Variants in BBS9 observed in about 807,000 individuals in gnomAD.
The protein encoded by BBS9 is protein PTHB1.
In BBS9, 89 loss-of-function variants were observed where a neutral mutation model predicts 117.7. That is an observed-to-expected ratio of 0.76 (90% CI 0.64 to 0.90). The LOEUF is 0.90. Ranked by LOEUF, BBS9 falls within the 40% of genes least tolerant of loss-of-function variation. BBS9 has a pLI of 0.00. For synonymous variants in BBS9, 379 were observed against 370.9 expected (o/e 1.02, Z -0.25); for missense variants, 982 against 1,042.2 (o/e 0.94, Z 0.80).
intron 7 of BBS9, among the ~76,000 whole-genome samples, chr7:33,271,267 C>T (rs535664497): frequency 6.6e-6 from 1 of 152,234 alleles, no homozygotes; most frequent in East Asian, 1.9e-4. Flanking sequence ...CACTTAAATA[C>T]TTAAATACAT....
intron 9 of BBS9, among the ~76,000 whole-genome samples, chr7:33,312,413 C>T (rs1035894716): frequency 5.9e-5 from 9 of 152,076 alleles, no homozygotes; most frequent in Non-Finnish European, 1.3e-4. Context: ...CGTGTAGCTG[C>T]GCAGTGAATG....
chr7:33,172,325 G>A (rs1796704459), intron 4 of BBS9, among the ~76,000 whole-genome samples: 1 of 151,578 alleles, frequency 6.6e-6, no homozygotes, highest in Non-Finnish European at 1.5e-5. Flanking sequence ...AGCTTGCAGT[G>A]AGCCAAGATC....
At chr7:33,428,553 T>C (rs894968078) in intron 19 of BBS9, among the ~76,000 whole-genome samples, 4 of 152,080 alleles carry the variant, frequency 2.6e-5, no homozygotes, top group South Asian at 2.1e-4. Context: ...CTCCACCCCC[T>C]CAAACTGAAG....
intron 6 of BBS9, 112 bp downstream of exon 6, chr7:33,257,522 T>C: frequency 1.0e-6 from 1 of 972,762 alleles, no homozygotes; most frequent in South Asian, 1.3e-5. Context: ...GATCGGTTTC[T>C]TTGAAAATAT....
At chr7:33,456,877 A>G (rs927775595) in intron 19 of BBS9, among the ~76,000 whole-genome samples, 8 of 152,250 alleles carry the variant, frequency 5.3e-5, no homozygotes, top group Admixed American at 1.3e-4. Flanking sequence ...TTAACTTCTT[A>G]TAACTGATTC....
intron 20 of BBS9, among the ~76,000 whole-genome samples, chr7:33,511,262 C>T (rs1846922398): frequency 6.6e-6 from 1 of 152,102 alleles, no homozygotes; most frequent in African/African-American, 2.4e-5. Context: ...TCTTAGTAAA[C>T]AGCTTAAATG....
chr7:33,322,039 T>C (rs1256998512), intron 9 of BBS9, among the ~76,000 whole-genome samples: 2 of 152,146 alleles, frequency 1.3e-5, no homozygotes, highest in Non-Finnish European at 2.9e-5. Context: ...GATTTGCATA[T>C]GTTGAACTAT....
chr7:33,341,418 G>A (rs538197393), intron 11 of BBS9, among the ~76,000 whole-genome samples: 26 of 152,130 alleles, frequency 1.7e-4, no homozygotes, highest in Admixed American at 1.6e-3. Flanking sequence ...TTATGGTGGT[G>A]GTGGTGGTAG....
rs139208918 is a variant in BBS9 at position 33,179,053 on chromosome 7, G to A, written c.442+1462G>A. 5.9e-4 allele frequency among the ~76,000 whole-genome samples: 90 copies of A among 152,238 alleles called. 2 individuals carry two copies. In the East Asian group the frequency reaches 0.011, roughly 18 times the overall value. The stretch of plus-strand genomic sequence containing the variant: ...CAGTGAAGTGCTTCCTCAGCTTTTA[G>A]AACTGATTTTTACTGTTCTTTGAAA... On this transcript the variant is annotated intron_variant, in intron 5 of 22. Coordinates refer to ENST00000242067, the MANE Select transcript of BBS9 (RefSeq NM_198428.3).
intron 9 of BBS9, among the ~76,000 whole-genome samples, chr7:33,301,283 G>A (rs144333167): frequency 7.9e-5 from 12 of 151,974 alleles, no homozygotes; most frequent in Non-Finnish European, 1.6e-4. Flanking sequence ...AATAATATAA[G>A]CATATTCTTA....
intron 19 of BBS9, among the ~76,000 whole-genome samples, chr7:33,490,186 A>T (rs1345136399): frequency 1.3e-5 from 2 of 152,310 alleles, no homozygotes; most frequent in Middle Eastern, 6.8e-3. Flanking sequence ...GAAGAAATAC[A>T]TGGGTTTAGA....
At chr7:33,449,076 A>G (rs1240541845) in intron 19 of BBS9, among the ~76,000 whole-genome samples, 3 of 152,234 alleles carry the variant, frequency 2.0e-5, no homozygotes, top group Non-Finnish European at 4.4e-5. Context: ...CTGCCTGTCA[A>G]TAAATATTGA....
At chr7:33,382,270 A>G (rs1169326214) in intron 17 of BBS9, among the ~76,000 whole-genome samples, 4 of 151,626 alleles carry the variant, frequency 2.6e-5, no homozygotes, top group African/African-American at 9.7e-5. Flanking sequence ...GACCAGCCTG[A>G]CCAACATGGT....
chr7:33,495,863 A>G (rs1029712549), intron 19 of BBS9, among the ~76,000 whole-genome samples: 5 of 152,194 alleles, frequency 3.3e-5, no homozygotes, highest in African/African-American at 9.6e-5. Context: ...ATTTGTCTCT[A>G]TGTCACTAAT....
chr7:33,487,302 T>C (rs985702156), intron 19 of BBS9, among the ~76,000 whole-genome samples: 6 of 152,234 alleles, frequency 3.9e-5, no homozygotes, highest in African/African-American at 1.4e-4. Flanking sequence ...TCTTTCCATG[T>C]AAATTAGCTG....
rs1844101761 is a variant in BBS9 at position 33,492,335 on chromosome 7, A to G, written c.2116-13128A>G. ...CTAGCCACCGTGACAAATACATTTT[A>G]AGTTGTATCTCATTTAATCTTCAAG... On this transcript the variant is annotated intron_variant, in intron 19 of 22. Coordinates refer to ENST00000242067, the MANE Select transcript of BBS9 (RefSeq NM_198428.3). 2.0e-5 allele frequency among the ~76,000 whole-genome samples: 3 copies of G among 152,088 alleles called. No individual in the cohort carries two copies. In the South Asian group the frequency reaches 6.2e-4, roughly 32 times the overall value.
chr7:33,530,484 A>T (rs184608315), intron 20 of BBS9, among the ~76,000 whole-genome samples: 72 of 152,378 alleles, frequency 4.7e-4, no homozygotes, highest in East Asian at 5.8e-4. Context: ...ACTGCAGAGC[A>T]TACAAATGCC....
chr7:33,137,323 C>T (rs149436635), intron 1 of BBS9, among the ~76,000 whole-genome samples: 7 of 152,204 alleles, frequency 4.6e-5, no homozygotes, highest in East Asian at 3.9e-4. Flanking sequence ...GGGTGCTTCC[C>T]GGGCCCCCGA....
intron 9 of BBS9, among the ~76,000 whole-genome samples, chr7:33,321,151 A>T (rs60418513): frequency 0.11 from 16,580 of 151,972 alleles, 1,061 homozygotes; most frequent in Non-Finnish European, 0.14. Context: ...CTGTAGTTTA[A>T]TTTGAAGTCG....
Sources: allele counts gnomAD v4.1 joint callset (sites outside exome capture counted in the v4.1 genomes callset), GRCh38; gene constraint gnomAD v4.1.1; transcripts MANE v1.5; gene names NCBI Gene and HGNC (gene_info 2026-07-23, HGNC 2026-07-21).